SEPHS1: variants seen among roughly 807,000 people sequenced by gnomAD.
SEPHS1 encodes selenophosphate synthetase 1.
In SEPHS1, 7 loss-of-function variants were observed where a neutral mutation model predicts 39.2. That is an observed-to-expected ratio of 0.18 (90% CI 0.10 to 0.34). The LOEUF (loss-of-function observed/expected upper bound fraction) is 0.34. Among genes scored for constraint, SEPHS1 ranks in the 10% least tolerant of loss-of-function variants. The probability of loss-of-function intolerance (pLI) is 1.00; values close to 1 mark genes in which losing one functional copy is unlikely to be tolerated. For synonymous variants in SEPHS1, 190 were observed against 195.5 expected (o/e 0.97, Z 0.23); for missense variants, 253 against 514.5 (o/e 0.49, Z 4.92).
intron 5 of SEPHS1, among the ~76,000 whole-genome samples, chr10:13,331,026 G>A (rs967476792): frequency 1.3e-5 from 2 of 151,434 alleles, no homozygotes; most frequent in Non-Finnish European, 2.9e-5. Context: ...GATGTTACCC[G>A]CCCTGTGTCC....
chr10:13,343,676 A>AC (rs1833855394), intron 2 of SEPHS1, among the ~76,000 whole-genome samples: 2 of 86,602 alleles, frequency 2.3e-5, no homozygotes, highest in Non-Finnish European at 4.6e-5. Flanking sequence ...TTAGCCGGGC[A>AC]TGTGGCAGGG....
In SEPHS1 at chr10:13,336,332, T is replaced by C; in HGVS notation, c.316A>G (p.Asn106Asp). ...ATTGCATAGAGGTCACTGAGGACATTGGCACACGCTATCCTGCCCTGGGAA... is the reference window on the plus strand; with the variant it reads ...ATTGCATAGAGGTCACTGAGGACATCGGCACACGCTATCCTGCCCTGGGAA... ...PYMMGRIACA[N>D]VLSDLYAMGV... The change falls in exon 4 of 9, where the codon AAT (asparagine) becomes GAT (aspartate). Residue 106 changes from asparagine to aspartate, a missense_variant. Asn to Asp is a conservative substitution (Grantham distance 23). Around this residue, in one of 4 missense-constraint regions of SEPHS1, gnomAD observed 123 missense variants for 196.8 expected, o/e 0.62. Coordinates refer to ENST00000327347, the MANE Select transcript of SEPHS1 (RefSeq NM_012247.5). 1 of 1,613,446 alleles carries C rather than the reference T, an allele frequency of 6.2e-7. No homozygotes were observed. The highest frequency in any genetic ancestry group is 8.5e-7 in the Non-Finnish European group (1 of 1,179,478).
chr10:13,333,750 A>G (rs1833539016), intron 5 of SEPHS1, 67 bp downstream of exon 5: 9 of 1,544,182 alleles, frequency 5.8e-6, no homozygotes, highest in Non-Finnish European at 8.0e-6. Context: ...TTAATACATC[A>G]ATTTTTAAAA....
At position 13,329,717 on chromosome 10, in the gene SEPHS1, A is replaced by G; in HGVS notation, c.632T>C (p.Val211Ala). ...ACTCACGATATCCAGCCACTGGTGC[A>G]CAGCCACTGCCACCTGTGTCCCCAG... ...KPLGTQVAVA[V>A]HQWLDIPEKW... The change falls in exon 6 of 9, where the codon GTG (valine) becomes GCG (alanine). Residue 211 changes from valine (V) to alanine (A), a missense_variant. Around this residue, in one of 4 missense-constraint regions of SEPHS1, gnomAD observed 107 missense variants for 257.1 expected, o/e 0.42. Transcript: ENST00000327347. 1 of 1,606,834 alleles carries G rather than the reference A, an allele frequency of 6.2e-7. No individual in the cohort carries two copies. Among genetic ancestry groups the G allele is most frequent in the Non-Finnish European group, 8.5e-7 (1 of 1,177,192 alleles).
chr10:13,341,570 A>G (rs777081509), intron 2 of SEPHS1, among the ~76,000 whole-genome samples: 2 of 152,196 alleles, frequency 1.3e-5, no homozygotes, highest in African/African-American at 4.8e-5. Context: ...ACATTTAGTA[A>G]TCGTGTGTAC....
intron 7 of SEPHS1, 108 bp downstream of exon 7, chr10:13,328,242 CT>C: frequency 2.8e-6 from 2 of 716,018 alleles, no homozygotes; most frequent in East Asian, 5.1e-5. Context: ...TCTGTAGTCA[CT>C]GGCCAAAAAT....
At chr10:13,341,652 G>GA (rs986231016) in intron 2 of SEPHS1, among the ~76,000 whole-genome samples, 1 of 152,102 alleles carries the variant, frequency 6.6e-6, no homozygotes, top group Non-Finnish European at 1.5e-5. Context: ...CATTCAATTA[G>GA]AAAAAAGTTA....
intron 7 of SEPHS1, among the ~76,000 whole-genome samples, chr10:13,325,960 AAAAAT>A (rs58470234): frequency 0.38 from 39,436 of 102,460 alleles, 9,339 homozygotes; most frequent in East Asian, 0.67. Context: ...AAAAAAAAAA[AAAAAT>A]AATAATAATA....
intron 2 of SEPHS1, among the ~76,000 whole-genome samples, chr10:13,339,781 G>T (rs1404012470): frequency 1.3e-5 from 2 of 152,104 alleles, no homozygotes; most frequent in Non-Finnish European, 2.9e-5. Context: ...AATACGATGT[G>T]AATGCGATGT....
chr10:13,327,749 A>G (rs1344593331), intron 7 of SEPHS1, among the ~76,000 whole-genome samples: 1 of 152,176 alleles, frequency 6.6e-6, no homozygotes, highest in Admixed American at 6.5e-5. Flanking sequence ...CCCAGTGTGA[A>G]ACAGGAGAGC....
chr10:13,342,235 C>T (rs947361476), intron 2 of SEPHS1, among the ~76,000 whole-genome samples: 1 of 150,014 alleles, frequency 6.7e-6, no homozygotes, highest in African/African-American at 2.5e-5. Context: ...CCACTGCACT[C>T]CAGCCTGGGC....
intron 7 of SEPHS1, among the ~76,000 whole-genome samples, chr10:13,328,031 C>G (rs960569923): frequency 4.5e-4 from 53 of 116,610 alleles, no homozygotes; most frequent in Non-Finnish European, 8.8e-4. Flanking sequence ...GGAAATAGCT[C>G]CAGTATCTTA....
At chr10:13,324,666 G>C (rs1461806958) in intron 7 of SEPHS1, among the ~76,000 whole-genome samples, 1 of 152,164 alleles carries the variant, frequency 6.6e-6, no homozygotes, top group Non-Finnish European at 1.5e-5. Context: ...GCTGGAGTGA[G>C]GTGGTGCGAT....
intron 8 of SEPHS1, chr10:13,322,006 C>A (rs1328602997): frequency 2.2e-6 from 1 of 454,194 alleles, no homozygotes; most frequent in Non-Finnish European, 4.4e-6. Flanking sequence ...TCTCTACCTA[C>A]GCTTGCTCCA....
chr10:13,330,157 C>T (rs1177805907), intron 5 of SEPHS1, among the ~76,000 whole-genome samples: 1 of 152,176 alleles, frequency 6.6e-6, no homozygotes, highest in African/African-American at 2.4e-5. Flanking sequence ...AGCCTTCAAA[C>T]GTTTCATCAG....
intron 5 of SEPHS1, among the ~76,000 whole-genome samples, chr10:13,332,899 A>G (rs1363959137): frequency 6.6e-6 from 1 of 152,066 alleles, no homozygotes; most frequent in South Asian, 2.1e-4. Context: ...AAATACTGAC[A>G]CATGCTACAA....
intron 5 of SEPHS1, among the ~76,000 whole-genome samples, chr10:13,331,843 A>G (rs1198655367): frequency 6.6e-6 from 1 of 152,234 alleles, no homozygotes; most frequent in African/African-American, 2.4e-5. Flanking sequence ...CCACAAAGAC[A>G]TTCCACTTCA....
chr10:13,322,974 C>G lies in SEPHS1; in HGVS notation c.825G>C (p.Ala275=). ...TCCTCTGCTGCTTGGCCAGGTTCTG[C>G]GCATGGCCCAAAATCCCGAAGCCCG... The part of the protein sequence containing the change: ...DITGFGILGH[A]QNLAKQQRNE... The change falls in exon 8 of 9, where the codon GCG becomes GCC. Residue 275 remains alanine (A), a synonymous_variant. Coordinates refer to ENST00000327347, the MANE Select transcript of SEPHS1 (RefSeq NM_012247.5). 2 of 1,614,054 alleles carry G rather than the reference C, an allele frequency of 1.2e-6. No homozygotes were observed. Among genetic ancestry groups the G allele is most frequent in the Non-Finnish European group, 8.5e-7 (1 of 1,179,992 alleles).
intron 3 of SEPHS1, among the ~76,000 whole-genome samples, chr10:13,338,354 AGGTTACCAATGT>A (rs1298128462): frequency 6.6e-6 from 1 of 152,226 alleles, no homozygotes; most frequent in Non-Finnish European, 1.5e-5. Flanking sequence ...GGGGTGATGG[AGGTTACCAATGT>A]CAAAGAAGAG....
Sources: allele counts gnomAD v4.1 joint callset (sites outside exome capture counted in the v4.1 genomes callset), GRCh38; gene constraint gnomAD v4.1.1; regional missense constraint gnomAD v4.1.1; transcripts MANE v1.5; gene names NCBI Gene and HGNC (gene_info 2026-07-23, HGNC 2026-07-21).